Variants in EDA observed in about 807,000 individuals in gnomAD.
EDA encodes ectodysplasin-A.
EDA carries 2 observed loss-of-function variants against 23.6 expected under a neutral mutation model. That is an observed-to-expected ratio of 0.08 (90% CI 0.03 to 0.27). EDA has a LOEUF of 0.27. Among genes scored for constraint, EDA ranks in the 10% least tolerant of loss-of-function variants. EDA has a pLI of 1.00. For missense variants in EDA, 229 were observed against 324.2 expected, an observed-to-expected ratio of 0.71 and a Z score of 2.26; for synonymous variants, 131 against 132.0, an observed-to-expected ratio of 0.99 and a Z score of 0.05.
chrX:70,024,620 C>T (rs1435030343), intron 3 of EDA, among the ~76,000 whole-genome samples: 2 of 112,732 alleles, frequency 1.8e-5, no homozygotes, highest in East Asian at 5.6e-4. Context: ...TAAACATTTA[C>T]TTTGGCTGAA....
intron 1 of EDA, among the ~76,000 whole-genome samples, chrX:69,863,042 G>GGA (rs1556021333): frequency 2.2e-4 from 20 of 93,002 alleles, no homozygotes; most frequent in South Asian, 5.4e-4. Context: ...TTTATTTTCT[G>GGA]AAAAAAAAAA....
At chrX:69,892,607 A>G (rs2017950832) in intron 1 of EDA, among the ~76,000 whole-genome samples, 1 of 112,531 alleles carries the variant, frequency 8.9e-6, no homozygotes, top group African/African-American at 3.2e-5. Flanking sequence ...ATTAGAGATC[A>G]TGTAATATTT....
rs1054986009 is a variant in EDA at position 69,973,902 on chromosome X, T to C, written c.502+16770T>C. Among the ~76,000 whole-genome samples the C allele has an allele frequency of 4.5e-5, 5 of 111,128 alleles. No homozygotes were observed. The Admixed American group carries it at 4.8e-4, about 11-fold the overall frequency. Reference sequence around the variant, plus strand: ...AAAACTATGTTTGTATTAAACGTATTTAAGAAGCAAGTCATCTCGGACCTG... The same window carrying C: ...AAAACTATGTTTGTATTAAACGTATCTAAGAAGCAAGTCATCTCGGACCTG... On this transcript the variant is annotated intron_variant, in intron 2 of 7. Coordinates refer to ENST00000374552, the MANE Select transcript of EDA (RefSeq NM_001399.5).
At chrX:69,862,592 G>T (rs2017403548) in intron 1 of EDA, among the ~76,000 whole-genome samples, 1 of 110,905 alleles carries the variant, frequency 9.0e-6, no homozygotes, top group Non-Finnish European at 1.9e-5. Flanking sequence ...CTACAGTCAT[G>T]TGCCACCATA....
intron 1 of EDA, among the ~76,000 whole-genome samples, chrX:69,833,007 A>T (rs376991906): frequency 4.1e-4 from 45 of 110,892 alleles, no homozygotes; most frequent in South Asian, 1.2e-3. Context: ...TGACTTCCTC[A>T]TTTCCTAATT....
At chrX:69,666,108 T>C (rs2147261227) in intron 1 of EDA, among the ~76,000 whole-genome samples, 1 of 112,282 alleles carries the variant, frequency 8.9e-6, no homozygotes, top group Non-Finnish European at 1.9e-5. Flanking sequence ...GTTAGGTAAT[T>C]ATTTTTGTAT....
chrX:69,863,654 C>T (rs1053713273), intron 1 of EDA, among the ~76,000 whole-genome samples: 6 of 36,236 alleles, frequency 1.7e-4, no homozygotes, highest in Non-Finnish European at 5.8e-4. Context: ...TATGTATTTA[C>T]ACATATACAT....
intron 1 of EDA, among the ~76,000 whole-genome samples, chrX:69,677,228 T>C (rs1934130253): frequency 9.4e-6 from 1 of 106,067 alleles, no homozygotes; most frequent in African/African-American, 3.4e-5. Flanking sequence ...CAGTCTATCA[T>C]TGTTGGACAT....
chrX:69,755,101 G>A (rs906888522), intron 1 of EDA, among the ~76,000 whole-genome samples: 13 of 112,281 alleles, frequency 1.2e-4, no homozygotes, highest in Non-Finnish European at 2.3e-4. Flanking sequence ...TCCATTGCTG[G>A]TGAGGAGCTG....
intron 1 of EDA, among the ~76,000 whole-genome samples, chrX:69,698,781 C>T (rs950367155): frequency 9.0e-6 from 1 of 110,571 alleles, no homozygotes; most frequent in African/African-American, 3.3e-5. Flanking sequence ...TGTGGAGAAT[C>T]CATTTTATTC....
chrX:69,710,566 A>G (rs1369867862), intron 1 of EDA, among the ~76,000 whole-genome samples: 1 of 111,742 alleles, frequency 8.9e-6, no homozygotes, highest in Admixed American at 9.5e-5. Flanking sequence ...CATTGAATCC[A>G]TAAATTACCT....
chrX:70,032,484 G>C (rs2020213272), intron 6 of EDA, among the ~76,000 whole-genome samples: 1 of 111,084 alleles, frequency 9.0e-6, no homozygotes, highest in African/African-American at 3.3e-5. Context: ...TAATTTCTTG[G>C]GTGCAGGATG....
chrX:69,705,331 A>G (rs777051527), intron 1 of EDA, among the ~76,000 whole-genome samples: 20 of 111,855 alleles, frequency 1.8e-4, no homozygotes, highest in Non-Finnish European at 3.2e-4. Flanking sequence ...AAGGAACTCA[A>G]TTGTCATCAG....
At chrX:69,939,790 C>T (rs1226641738) in intron 1 of EDA, among the ~76,000 whole-genome samples, 1 of 111,662 alleles carries the variant, frequency 9.0e-6, no homozygotes, top group African/African-American at 3.3e-5. Context: ...GGGTTTTTAT[C>T]ATGAACAGAT....
rs1487909115 is a variant in EDA, at chrX:69,824,074, A to ACTG, written c.397-132953_397-132952insCTG. 5.1e-5 allele frequency among the ~76,000 whole-genome samples: 5 copies of ACTG among 98,343 alleles called. No homozygotes were observed. In the East Asian group the frequency reaches 1.7e-3, roughly 33 times the overall value. The allele number at this position is 98,343 out of a possible 115,157, so 85.4% of individuals were successfully genotyped here. On this transcript the variant is annotated intron_variant, in intron 1 of 7. Transcript: ENST00000374552. The stretch of plus-strand genomic sequence containing the variant: ...TGATCTATATCTCTGTTTTGGTACC[A>ACTG]GTACCATGCTGTTTTGGTTACTGTA...
chrX:69,877,760 A>T, intron 1 of EDA, among the ~76,000 whole-genome samples: 1 of 112,252 alleles, frequency 8.9e-6, no homozygotes, highest in Non-Finnish European at 1.9e-5. Flanking sequence ...AAGGTTACAG[A>T]GATTTTCTCT....
In EDA at chrX:69,726,105, A is replaced by G. The variant is rs555517736; in HGVS notation, c.396+109401A>G. On this transcript the variant is annotated intron_variant, in intron 1 of 7. Coordinates refer to ENST00000374552, the MANE Select transcript of EDA (RefSeq NM_001399.5). The stretch of plus-strand genomic sequence containing the variant: ...TCAGAACTTGAGGGTCTAAGATGCC[A>G]GAGAAAAGGAAAGTACAGTGAGTTT... Among the ~76,000 whole-genome samples, 5 of 112,380 alleles carry G rather than the reference A, an allele frequency of 4.4e-5. No homozygotes were observed. The South Asian group carries it at 1.9e-3, about 42-fold the overall frequency.
chrX:69,707,960 G>T (rs2011800565), intron 1 of EDA, among the ~76,000 whole-genome samples: 1 of 111,298 alleles, frequency 9.0e-6, no homozygotes, highest in Non-Finnish European at 1.9e-5. Flanking sequence ...AATTTGTGGA[G>T]CCCAGAATCT....
At chrX:69,976,182 A>C (rs1226178240) in intron 2 of EDA, among the ~76,000 whole-genome samples, 1 of 112,348 alleles carries the variant, frequency 8.9e-6, no homozygotes, top group Non-Finnish European at 1.9e-5. Flanking sequence ...AACAGAAGGA[A>C]TGTAACACCA....
Sources: allele counts gnomAD v4.1 joint callset (sites outside exome capture counted in the v4.1 genomes callset), GRCh38; gene constraint gnomAD v4.1.1; transcripts MANE v1.5; gene names NCBI Gene and HGNC (gene_info 2026-07-23, HGNC 2026-07-21).